Variants in PIEZO2 observed in about 807,000 individuals in gnomAD.
PIEZO2 encodes the protein piezo type mechanosensitive ion channel component 2.
Under a neutral mutation model 337.3 loss-of-function variants are expected in PIEZO2, and 172 were observed. The observed-to-expected ratio is 0.51, with a 90% CI of 0.45 to 0.58. The LOEUF is 0.58. Among genes scored for constraint, PIEZO2 ranks in the 20% least tolerant of loss-of-function variants. The pLI is 0.00. For synonymous variants in PIEZO2, 1,251 were observed against 1,228.5 expected, an observed-to-expected ratio of 1.02 and a Z score of -0.38; for missense variants, 3,028 against 3,391.3, an observed-to-expected ratio of 0.89 and a Z score of 2.66.
chr18:11,025,230 G>T (rs1007769912), intron 2 of PIEZO2, among the ~76,000 whole-genome samples: 4 of 152,068 alleles, frequency 2.6e-5, no homozygotes, highest in African/African-American at 9.7e-5. Flanking sequence ...CTTCATTTGG[G>T]GTTACAATTA....
intron 1 of PIEZO2, among the ~76,000 whole-genome samples, chr18:11,130,030 G>T (rs1416670085): frequency 6.6e-6 from 1 of 152,116 alleles, no homozygotes. Context: ...TGGTGGGAAA[G>T]GTCAAATAGA....
chr18:10,790,193 A>T (rs1365230380), intron 14 of PIEZO2, among the ~76,000 whole-genome samples: 1 of 152,222 alleles, frequency 6.6e-6, no homozygotes, highest in African/African-American at 2.4e-5. Context: ...AATCTTATAG[A>T]CAGACTTTTG....
At chr18:11,108,578 C>A (rs1290314372) in intron 1 of PIEZO2, among the ~76,000 whole-genome samples, 1 of 132,840 alleles carries the variant, frequency 7.5e-6, no homozygotes, top group Non-Finnish European at 1.5e-5. Context: ...CGCACCACTG[C>A]ACTCCAGCCT....
At chr18:11,065,663 T>C (rs2038121677) in intron 2 of PIEZO2, among the ~76,000 whole-genome samples, 1 of 152,244 alleles carries the variant, frequency 6.6e-6, no homozygotes, top group African/African-American at 2.4e-5. Flanking sequence ...CCTCAACTAA[T>C]GTACGAAGTT....
rs528158300 is a variant in PIEZO2, at chr18:11,048,150, C to G, written c.160+17977G>C. Among the ~76,000 whole-genome samples, 4 of 152,100 alleles carry G rather than the reference C, an allele frequency of 2.6e-5. No individual in the cohort carries two copies. The highest frequency in any genetic ancestry group is 4.4e-5 in the Non-Finnish European group (3 of 68,030). ...CTGAAAGCCCCTGCTCCTGACTGCC[C>G]GAGGAGACTATTAGTGACTTTCCCC... On this transcript the variant is annotated intron_variant, in intron 2 of 55. Coordinates refer to ENST00000674853, the MANE Select transcript of PIEZO2 (RefSeq NM_001378183.1). The surrounding 1 kb of genome is among the most constrained non-coding windows in gnomAD (Gnocchi z 4.5).
chr18:11,012,038 A>G (rs992471642), intron 2 of PIEZO2, among the ~76,000 whole-genome samples: 3 of 151,902 alleles, frequency 2.0e-5, no homozygotes, highest in African/African-American at 4.8e-5. Flanking sequence ...TAGGTCACCA[A>G]TGGTGTTTAT....
rs2040214422 is a variant in PIEZO2, at chr18:11,127,537, C to G, written c.64+20988G>C. Among the ~76,000 whole-genome samples the G allele has an allele frequency of 6.6e-6, 1 of 152,032 alleles. No homozygotes were observed. The highest frequency in any genetic ancestry group is 2.4e-5 in the African/African-American group (1 of 41,384). ...CTAGTCTCCTAGTCTACATCTTTCT[C>G]CTGTGCTGAATGCTTCCTGCCCTCG... On this transcript the variant is annotated intron_variant, in intron 1 of 55. Coordinates refer to ENST00000674853, the MANE Select transcript of PIEZO2 (RefSeq NM_001378183.1). The surrounding 1 kb of genome is among the most constrained non-coding windows in gnomAD (Gnocchi z 4.5).
Position 10,969,657 on chromosome 18 carries a change from G to A in PIEZO2, c.286+9878C>T, listed in dbSNP as rs944875248. Among the ~76,000 whole-genome samples, 2 of 151,730 alleles carry A rather than the reference G, an allele frequency of 1.3e-5. No individual in the cohort carries two copies. Among genetic ancestry groups the A allele is most frequent in the South Asian group, 2.1e-4 (1 of 4,784 alleles). ...TAGTTTCTAAAGAGAAATAAAACAC[G>A]TCATTCTAATATTTCTTCATGAATT... On this transcript the variant is annotated intron_variant, in intron 3 of 55. Coordinates refer to ENST00000674853, the MANE Select transcript of PIEZO2 (RefSeq NM_001378183.1). The surrounding 1 kb of genome is among the most constrained non-coding windows in gnomAD (Gnocchi z 4.5).
intron 33 of PIEZO2, 164 bp downstream of exon 33, chr18:10,740,867 C>A (rs1488933562): frequency 6.8e-6 from 5 of 738,248 alleles, no homozygotes; most frequent in Non-Finnish European, 1.2e-5. Context: ...GGACCCCGGG[C>A]TCAAAGACCC....
At chr18:10,992,131 C>T (rs1420977493) in intron 2 of PIEZO2, among the ~76,000 whole-genome samples, 3 of 152,050 alleles carry the variant, frequency 2.0e-5, no homozygotes, top group Non-Finnish European at 2.9e-5. Context: ...TGGATATTAG[C>T]CATTTGTCAG....
Position 11,116,364 on chromosome 18 carries a change from G to A in PIEZO2, c.64+32161C>T, listed in dbSNP as rs1395364810. 6.6e-6 allele frequency among the ~76,000 whole-genome samples: 1 copy of A among 152,116 alleles called. No homozygotes were observed. Among genetic ancestry groups the A allele is most frequent in the African/African-American group, 2.4e-5 (1 of 41,422 alleles). ...GCTCTTGAGGAGGAAGCTGCCCAACGGTGTGAAAATGCACCTCGACAATGC... is the reference window on the plus strand; with the variant it reads ...GCTCTTGAGGAGGAAGCTGCCCAACAGTGTGAAAATGCACCTCGACAATGC... On this transcript the variant is annotated intron_variant, in intron 1 of 55. Coordinates refer to ENST00000674853, the MANE Select transcript of PIEZO2 (RefSeq NM_001378183.1). The surrounding 1 kb of genome is among the most constrained non-coding windows in gnomAD (Gnocchi z 5.0).
At chr18:10,881,137 T>A (rs2042408699) in intron 4 of PIEZO2, among the ~76,000 whole-genome samples, 1 of 151,886 alleles carries the variant, frequency 6.6e-6, no homozygotes, top group Non-Finnish European at 1.5e-5. Context: ...ATTAGGTACC[T>A]TTTTTTAAAC....
rs529124204 is a variant in PIEZO2 at position 11,033,979 on chromosome 18, GA to G, written c.160+32147del. Among the ~76,000 whole-genome samples the G allele has an allele frequency of 2.6e-5, 4 of 151,846 alleles. No individual in the cohort carries two copies. Among genetic ancestry groups the G allele is most frequent in the African/African-American group, 4.8e-5 (2 of 41,424 alleles). ...GTTGTGCTGATTTGAAACTGAAGGG[GA>G]AAAAAACCCTCAGATTTAAAAAAAA... On this transcript the variant is annotated intron_variant, in intron 2 of 55. Transcript: ENST00000674853. The surrounding 1 kb of genome is among the most constrained non-coding windows in gnomAD (Gnocchi z 4.2).
rs1195827615 is a variant in PIEZO2 at position 11,003,746 on chromosome 18, G to A, written c.161-24086C>T. On this transcript the variant is annotated intron_variant, in intron 2 of 55. Transcript: ENST00000674853. The surrounding 1 kb of genome is among the most constrained non-coding windows in gnomAD (Gnocchi z 4.6). Reference sequence around the variant, plus strand: ...TACCTAACATGTCCAGCTCTGGGACGTGGGAGGAAACCAGAGTACCTAGAA... The same window carrying A: ...TACCTAACATGTCCAGCTCTGGGACATGGGAGGAAACCAGAGTACCTAGAA... 1.3e-5 allele frequency among the ~76,000 whole-genome samples: 2 copies of A among 152,154 alleles called. No homozygotes were observed. Among genetic ancestry groups the A allele is most frequent in the South Asian group, 2.1e-4 (1 of 4,828 alleles).
Position 10,888,386 on chromosome 18 carries a change from C to T in PIEZO2, c.330-16971G>A, listed in dbSNP as rs78837085. The stretch of plus-strand genomic sequence containing the variant: ...TTCTGACACAGTAAGGTTTTTAGGC[C>T]TGTCTTCTACTTTCTCTGCTCCAAG... On this transcript the variant is annotated intron_variant, in intron 4 of 55. Transcript: ENST00000674853. The surrounding 1 kb of genome is among the most constrained non-coding windows in gnomAD (Gnocchi z 4.1). 1.3e-5 allele frequency among the ~76,000 whole-genome samples: 2 copies of T among 152,172 alleles called. No homozygotes were observed. Among genetic ancestry groups the T allele is most frequent in the East Asian group, 3.8e-4 (2 of 5,198 alleles).
chr18:10,688,069 G>A (rs931390161), intron 49 of PIEZO2, among the ~76,000 whole-genome samples: 2 of 152,086 alleles, frequency 1.3e-5, no homozygotes, highest in Admixed American at 6.5e-5. Flanking sequence ...TACATGTGCC[G>A]TGGTGGTTTG....
Position 10,878,495 on chromosome 18 carries a change from A to C in PIEZO2, c.330-7080T>G, listed in dbSNP as rs190239557. ...TCAGTTATTTGCACATGCAGATTTCATTGTCAAAATTGGAAGCTATAACTC... is the reference window on the plus strand; with the variant it reads ...TCAGTTATTTGCACATGCAGATTTCCTTGTCAAAATTGGAAGCTATAACTC... On this transcript the variant is annotated intron_variant, in intron 4 of 55. Transcript: ENST00000674853. This position sits in a 1 kb window ranked among gnomAD's most constrained non-coding sequence, Gnocchi z 4.3. Among the ~76,000 whole-genome samples, 20 of 152,330 alleles carry C rather than the reference A, an allele frequency of 1.3e-4. No individual in the cohort carries two copies. The East Asian group carries it at 3.9e-3, about 29-fold the overall frequency.
intron 4 of PIEZO2, among the ~76,000 whole-genome samples, chr18:10,876,063 A>C (rs1168718778): frequency 6.6e-6 from 1 of 152,266 alleles, no homozygotes; most frequent in Non-Finnish European, 1.5e-5. Context: ...ACTTTTGAAA[A>C]GTATGCACAA....
chr18:10,971,899 A>G (rs2034251020), intron 3 of PIEZO2, among the ~76,000 whole-genome samples: 1 of 152,134 alleles, frequency 6.6e-6, no homozygotes, highest in Non-Finnish European at 1.5e-5. Flanking sequence ...CTCACTAATG[A>G]GCAGCCTAAG....
Sources: gnomAD v4.1 joint callset for allele counts (sites outside exome capture counted in the v4.1 genomes callset) on GRCh38, gnomAD v4.1.1 for gene constraint, Gnocchi (gnomAD v3.1) non-coding constraint, MANE v1.5 for transcripts, NCBI Gene and HGNC (gene_info 2026-07-23, HGNC 2026-07-21) for gene names.